Variants in MOB3B observed in about 807,000 individuals in gnomAD.
MOB3B encodes MOB kinase activator-like 2B.
A neutral mutation model predicts 18.7 loss-of-function variants in MOB3B; 7 were observed. The ratio of observed to expected loss-of-function variants is 0.37; its 90% CI spans 0.21 to 0.70. The LOEUF (loss-of-function observed/expected upper bound fraction) is 0.70, where lower values mean the gene tolerates loss of function less well. Among genes scored for constraint, MOB3B ranks in the 30% least tolerant of loss-of-function variants. The pLI is 0.52. For synonymous variants in MOB3B, 111 were observed against 99.9 expected (o/e 1.11, Z -0.66); for missense variants, 253 against 281.3 (o/e 0.90, Z 0.72).
chr9:27,414,073 G>C (rs767892802), intron 2 of MOB3B, among the ~76,000 whole-genome samples: 3 of 152,312 alleles, frequency 2.0e-5, no homozygotes, highest in Admixed American at 6.5e-5. Context: ...ATCATGCCTA[G>C]TTCAATAAAT....
chr9:27,387,775 G>A (rs544558314), intron 2 of MOB3B, among the ~76,000 whole-genome samples: 36 of 152,272 alleles, frequency 2.4e-4, no homozygotes, highest in Admixed American at 2.4e-3. Flanking sequence ...CGGATGGATT[G>A]AAAGTCACCT....
At chr9:27,420,473 C>T (rs1355921501) in intron 2 of MOB3B, among the ~76,000 whole-genome samples, 2 of 146,278 alleles carry the variant, frequency 1.4e-5, no homozygotes, top group African/African-American at 5.1e-5. Context: ...TCTACATATT[C>T]CATCTATATA....
rs115414374 is a variant in MOB3B, at chr9:27,424,093, G to A, written c.418+31040C>T. Among the ~76,000 whole-genome samples the A allele has an allele frequency of 9.0e-3, 1,372 of 152,302 alleles. 19 individuals carry two copies. Among genetic ancestry groups the A allele is most frequent in the African/African-American group, 0.031 (1,299 of 41,564 alleles). Reference sequence around the variant, plus strand: ...ATGTCTGTGCATGCTGACTACATACGCATCTTAAAGCTCTGGCTTCCTGAC... The same window carrying A: ...ATGTCTGTGCATGCTGACTACATACACATCTTAAAGCTCTGGCTTCCTGAC... On this transcript the variant is annotated intron_variant, in intron 2 of 3. Coordinates refer to ENST00000262244, the MANE Select transcript of MOB3B (RefSeq NM_024761.5).
intron 2 of MOB3B, among the ~76,000 whole-genome samples, chr9:27,388,676 G>A (rs556517213): frequency 2.6e-5 from 4 of 151,988 alleles, no homozygotes; most frequent in Non-Finnish European, 4.4e-5. Flanking sequence ...CTGAGTCTTC[G>A]GAGATGATTC....
chr9:27,455,699 C>T lies in MOB3B; in HGVS notation c.-149G>A. ...TAGCTTTTAAGCTCTTCTAAACAGC[C>T]CCTTCCATCTTCCTCTTGAATGATT... On this transcript the variant is annotated 5_prime_UTR_variant, in exon 2 of 4. Transcript: ENST00000262244. 1 of 1,486,962 alleles carries T rather than the reference C, an allele frequency of 6.7e-7. No individual in the cohort carries two copies. The highest frequency in any genetic ancestry group is 1.4e-5 in the South Asian group (1 of 71,706). 92.1% of individuals were successfully genotyped at this position (1,486,962 alleles called of 1,614,324 possible).
At chr9:27,438,153 T>C (rs563451577) in intron 2 of MOB3B, among the ~76,000 whole-genome samples, 1 of 152,288 alleles carries the variant, frequency 6.6e-6, no homozygotes, top group South Asian at 2.1e-4. Context: ...CACTGAGAAA[T>C]CTTTTAAGGA....
In MOB3B at chr9:27,325,607, A is replaced by T. The variant is rs766264196; in HGVS notation, c.*4980T>A. On this transcript the variant is annotated 3_prime_UTR_variant, in exon 4 of 4. Transcript: ENST00000262244. ...AATATATTTTTTAAGGCAGGAAAAC[A>T]ATCATTATTTCCAAACACACTTTGT... 6.6e-6 allele frequency: 1 copy of T among 152,242 alleles called. No homozygotes were observed. Among genetic ancestry groups the T allele is most frequent in the Non-Finnish European group, 1.5e-5 (1 of 68,044 alleles). The allele number at this position is 152,242 out of a possible 1,614,324, so 9.4% of individuals were successfully genotyped here. A position where few individuals can be genotyped will look rare whatever the true frequency, so the allele number is the denominator to read the frequency against.
At chr9:27,359,295 T>C in intron 2 of MOB3B, 59 bp from the exon 3 acceptor site, 1 of 1,473,888 alleles carries the variant, frequency 6.8e-7, no homozygotes, top group Non-Finnish European at 9.4e-7. Flanking sequence ...CTTTTCCTCT[T>C]TCCTCTAATA....
rs113298806 is a variant in MOB3B, at chr9:27,336,330, A to AGG, written c.622-5716_622-5715dup. ...TTTTGTTTCTGTTGTAAAATGGATA[A>AGG]GGGGGGGGAAGAGCTACCACAGCAG... On this transcript the variant is annotated intron_variant, in intron 3 of 3. Transcript: ENST00000262244. Among the ~76,000 whole-genome samples the AGG allele has an allele frequency of 3.1e-4, 47 of 151,884 alleles. No homozygotes were observed. The East Asian group carries it at 5.6e-3, about 18-fold the overall frequency.
intron 1 of MOB3B, among the ~76,000 whole-genome samples, chr9:27,478,015 T>G (rs1027014976): frequency 3.9e-5 from 6 of 152,138 alleles, no homozygotes; most frequent in Non-Finnish European, 7.3e-5. Context: ...GAAGTAAGTC[T>G]GAATTGTGCT....
At chr9:27,503,885 C>G (rs1331946051) in intron 1 of MOB3B, among the ~76,000 whole-genome samples, 1 of 152,220 alleles carries the variant, frequency 6.6e-6, no homozygotes, top group Non-Finnish European at 1.5e-5. Flanking sequence ...GGCCTTGCCC[C>G]CTTGCCTTAA....
At chr9:27,348,382 G>A (rs1821059723) in intron 3 of MOB3B, among the ~76,000 whole-genome samples, 1 of 152,144 alleles carries the variant, frequency 6.6e-6, no homozygotes, top group Admixed American at 6.5e-5. Context: ...GCCAGGCCTG[G>A]TGGCTCACAC....
At chr9:27,439,101 G>A (rs888476307) in intron 2 of MOB3B, among the ~76,000 whole-genome samples, 159 of 152,080 alleles carry the variant, frequency 1.0e-3, no homozygotes, top group African/African-American at 3.7e-3. Context: ...TTTTCTACAC[G>A]CAAAGTCCCA....
chr9:27,351,154 A>C (rs7858700), intron 3 of MOB3B, among the ~76,000 whole-genome samples: 72,812 of 151,892 alleles, frequency 0.48, 17,721 homozygotes, highest in Middle Eastern at 0.55. Context: ...CCACCCGCCT[A>C]GGCCTCCCAA....
intron 1 of MOB3B, among the ~76,000 whole-genome samples, chr9:27,489,128 G>A (rs1014513237): frequency 6.6e-6 from 1 of 152,196 alleles, no homozygotes; most frequent in Admixed American, 6.5e-5. Context: ...CTTTTCGCTG[G>A]TGCTTCATAC....
At chr9:27,502,672 AAC>A (rs1491046287) in intron 1 of MOB3B, among the ~76,000 whole-genome samples, 1 of 152,204 alleles carries the variant, frequency 6.6e-6, no homozygotes, top group Non-Finnish European at 1.5e-5. Context: ...AATCTTTCTT[AAC>A]ACAGCCTCTC....
At chr9:27,337,689 G>A (rs1030991271) in intron 3 of MOB3B, among the ~76,000 whole-genome samples, 73 of 152,160 alleles carry the variant, frequency 4.8e-4, no homozygotes, top group Non-Finnish European at 1.3e-4. Context: ...TATACCGTGT[G>A]GGCCCATTTG....
At chr9:27,464,919 G>A (rs1038716963) in intron 1 of MOB3B, among the ~76,000 whole-genome samples, 2 of 152,270 alleles carry the variant, frequency 1.3e-5, no homozygotes, top group Middle Eastern at 3.4e-3. Context: ...CTGGGTCCCT[G>A]CCATAGCATG....
intron 2 of MOB3B, among the ~76,000 whole-genome samples, chr9:27,422,221 T>C (rs937214221): frequency 6.6e-6 from 1 of 152,248 alleles, no homozygotes; most frequent in Non-Finnish European, 1.5e-5. Flanking sequence ...GCCTTTCAAA[T>C]AGGTGGCTGG....
Sources: allele counts gnomAD v4.1 joint callset (sites outside exome capture counted in the v4.1 genomes callset), GRCh38; gene constraint gnomAD v4.1.1; transcripts MANE v1.5; gene names NCBI Gene and HGNC (gene_info 2026-07-23, HGNC 2026-07-21).